NAALADL2: variants seen among roughly 807,000 people sequenced by gnomAD.
NAALADL2 encodes inactive N-acetylated-alpha-linked acidic dipeptidase-like protein 2.
NAALADL2 carries 76 observed loss-of-function variants against 87.2 expected under a neutral mutation model. That is an observed-to-expected ratio of 0.87 (90% CI 0.72 to 1.05). The LOEUF is 1.05. NAALADL2 is among the 50% of genes least tolerant of loss of function. NAALADL2 has a pLI of 0.00. For missense variants in NAALADL2, 1,089 were observed against 945.8 expected (o/e 1.15, Z -1.99); for synonymous variants, 354 against 331.0 (o/e 1.07, Z -0.75).
intron 1 of NAALADL2, among the ~76,000 whole-genome samples, chr3:175,076,339 T>C (rs1716591888): frequency 6.6e-6 from 1 of 150,644 alleles, no homozygotes; most frequent in Non-Finnish European, 1.5e-5. Flanking sequence ...TTTTTTTTTT[T>C]TACTTTATTC....
chr3:175,393,496 A>C (rs916116776), intron 5 of NAALADL2, among the ~76,000 whole-genome samples: 2 of 151,998 alleles, frequency 1.3e-5, no homozygotes, highest in Middle Eastern at 3.4e-3. Context: ...TATAATTCTC[A>C]GTTTATGAAG....
chr3:174,556,933 G>A (rs1712899481), intron 2 of NAALADL2, among the ~76,000 whole-genome samples: 1 of 152,044 alleles, frequency 6.6e-6, no homozygotes, highest in Non-Finnish European at 1.5e-5. Flanking sequence ...TTATAGAGAT[G>A]CGGTCTCACC....
chr3:175,461,784 G>T (rs1384558722), intron 6 of NAALADL2, among the ~76,000 whole-genome samples: 1 of 152,160 alleles, frequency 6.6e-6, no homozygotes, highest in Non-Finnish European at 1.5e-5. Flanking sequence ...AGTCTATAAA[G>T]TTCACTTATG....
At chr3:175,084,027 A>G (rs1718390066) in intron 1 of NAALADL2, among the ~76,000 whole-genome samples, 1 of 152,216 alleles carries the variant, frequency 6.6e-6, no homozygotes, top group African/African-American at 2.4e-5. Flanking sequence ...GGGAAGGATC[A>G]GAATGGAAGT....
At chr3:175,515,067 C>T (rs1441431014) in intron 9 of NAALADL2, among the ~76,000 whole-genome samples, 4 of 152,188 alleles carry the variant, frequency 2.6e-5, no homozygotes, top group Non-Finnish European at 4.4e-5. Flanking sequence ...AAAGCAAGTG[C>T]TTCTTTGCCT....
chr3:175,216,745 C>T (rs952186987), intron 2 of NAALADL2, among the ~76,000 whole-genome samples: 5 of 141,590 alleles, frequency 3.5e-5, no homozygotes, highest in Non-Finnish European at 6.0e-5. Context: ...CTTGGCTCAT[C>T]GCAACCTCCA....
At chr3:174,698,483 G>T (rs896869981) in intron 2 of NAALADL2, among the ~76,000 whole-genome samples, 4 of 152,066 alleles carry the variant, frequency 2.6e-5, no homozygotes, top group African/African-American at 9.7e-5. Flanking sequence ...AACTACAATA[G>T]ATCTGTCTTC....
intron 3 of NAALADL2, among the ~76,000 whole-genome samples, chr3:174,770,456 A>G (rs958148738): frequency 1.3e-5 from 2 of 152,114 alleles, no homozygotes; most frequent in African/African-American, 4.8e-5. Flanking sequence ...GTAATCTTTT[A>G]TAGGTTAATT....
At chr3:175,410,342 A>G (rs911060500) in intron 5 of NAALADL2, among the ~76,000 whole-genome samples, 2 of 152,168 alleles carry the variant, frequency 1.3e-5, no homozygotes, top group African/African-American at 4.8e-5. Flanking sequence ...TTTTGAAATG[A>G]TCTCTTAAGT....
intron 1 of NAALADL2, among the ~76,000 whole-genome samples, chr3:175,083,137 A>T (rs770446525): frequency 6.6e-6 from 1 of 152,154 alleles, no homozygotes; most frequent in African/African-American, 2.4e-5. Context: ...AAATTCTAGG[A>T]TGGATTTTCC....
intron 5 of NAALADL2, among the ~76,000 whole-genome samples, chr3:175,363,861 A>G (rs953122210): frequency 6.7e-6 from 1 of 148,160 alleles, no homozygotes; most frequent in Non-Finnish European, 1.5e-5. Context: ...ACAAAATAAA[A>G]CTGATATTGG....
intron 9 of NAALADL2, among the ~76,000 whole-genome samples, chr3:175,556,368 A>G (rs1458870064): frequency 6.6e-6 from 1 of 152,192 alleles, no homozygotes; most frequent in Non-Finnish European, 1.5e-5. Context: ...CATCTGTCAG[A>G]TGACTATAAT....
At chr3:175,788,756 T>C (rs1752419648) in intron 13 of NAALADL2, among the ~76,000 whole-genome samples, 1 of 152,172 alleles carries the variant, frequency 6.6e-6, no homozygotes, top group South Asian at 2.1e-4. Context: ...ATATATTTCT[T>C]AGAAAACAAT....
Position 175,324,897 on chromosome 3 carries a change from T to G in NAALADL2, c.1090+572T>G, listed in dbSNP as rs182077507. Among the ~76,000 whole-genome samples the G allele has an allele frequency of 3.3e-5, 5 of 152,314 alleles. No individual in the cohort carries two copies. In the East Asian group the frequency reaches 9.6e-4, roughly 29 times the overall value. On this transcript the variant is annotated intron_variant, in intron 5 of 13. Coordinates refer to ENST00000454872, the MANE Select transcript of NAALADL2 (RefSeq NM_207015.3). Reference sequence around the variant, plus strand: ...AGCAAATATCTTTCTTTTTCCTAGATAGCTCTGTTCATGATAGTAGGGATC... The same window carrying G: ...AGCAAATATCTTTCTTTTTCCTAGAGAGCTCTGTTCATGATAGTAGGGATC...
chr3:175,757,820 A>C (rs986969317), intron 13 of NAALADL2, among the ~76,000 whole-genome samples: 15 of 152,236 alleles, frequency 9.9e-5, no homozygotes, highest in Non-Finnish European at 8.8e-5. Context: ...TGAGGAGAAA[A>C]ATCAAACCAC....
intron 2 of NAALADL2, among the ~76,000 whole-genome samples, chr3:175,099,417 T>C (rs982306334): frequency 3.3e-5 from 5 of 152,184 alleles, no homozygotes; most frequent in African/African-American, 1.2e-4. Flanking sequence ...AGTAGCCATA[T>C]TTGTTTTCTT....
chr3:175,719,907 A>G (rs1741986686), intron 11 of NAALADL2, among the ~76,000 whole-genome samples: 1 of 152,166 alleles, frequency 6.6e-6, no homozygotes, highest in African/African-American at 2.4e-5. Flanking sequence ...TCCTCATGTG[A>G]TAGAAGAAGC....
intron 9 of NAALADL2, among the ~76,000 whole-genome samples, chr3:175,477,046 A>T (rs1193136662): frequency 1.3e-5 from 2 of 152,090 alleles, no homozygotes; most frequent in African/African-American, 2.4e-5. Context: ...ATTTGAAAGG[A>T]TTTCCTCAGG....
At chr3:175,550,365 G>T (rs1325966191) in intron 9 of NAALADL2, among the ~76,000 whole-genome samples, 1 of 152,068 alleles carries the variant, frequency 6.6e-6, no homozygotes, top group African/African-American at 2.4e-5. Context: ...AAAATAAAAG[G>T]AAGAGGAGAA....
Sources: allele counts gnomAD v4.1 joint callset (sites outside exome capture counted in the v4.1 genomes callset), GRCh38; gene constraint gnomAD v4.1.1; transcripts MANE v1.5; gene names NCBI Gene and HGNC (gene_info 2026-07-23, HGNC 2026-07-21).